The following PLCB4 variants were observed in gnomAD, a reference collection of about 807,000 sequenced individuals.
PLCB4 encodes the protein phospholipase C beta 4.
Under a neutral mutation model 178.8 loss-of-function variants are expected in PLCB4, and 77 were observed. The observed-to-expected ratio is 0.43, with a 90% CI of 0.36 to 0.52. PLCB4 has a LOEUF of 0.52. Among genes scored for constraint, PLCB4 ranks in the 20% least tolerant of loss-of-function variants. PLCB4 has a pLI of 0.00. For synonymous variants in PLCB4, 496 were observed against 490.8 expected (o/e 1.01, Z -0.14); for missense variants, 1,024 against 1,453.4 (o/e 0.70, Z 4.80).
At position 9,407,601 on chromosome 20, in the gene PLCB4, C is replaced by A. The variant is rs192853700; in HGVS notation, c.1648-316C>A. Among the ~76,000 whole-genome samples the A allele has an allele frequency of 1.6e-3, 242 of 152,234 alleles. 1 individual carries two copies. Among genetic ancestry groups the A allele is most frequent in the African/African-American group, 5.6e-3 (231 of 41,532 alleles). On this transcript the variant is annotated intron_variant, in intron 21 of 39. Transcript: ENST00000378473. ...CGCCAAGTTTGTCTTGAACTCCTGG[C>A]CTCCCAAAGTGCTGGATTAAAGGCA...
At chr20:9,076,392 C>T (rs6039374) in intron 1 of PLCB4, among the ~76,000 whole-genome samples, 57 of 152,080 alleles carry the variant, frequency 3.7e-4, no homozygotes, top group African/African-American at 1.1e-3. Flanking sequence ...GCTCGAACCT[C>T]GGAGGCAGAG....
At chr20:9,098,098 A>G (rs2090988285) in intron 2 of PLCB4, among the ~76,000 whole-genome samples, 1 of 152,200 alleles carries the variant, frequency 6.6e-6, no homozygotes, top group Non-Finnish European at 1.5e-5. Flanking sequence ...TGACTGCATA[A>G]TAGTTAAATA....
intron 33 of PLCB4, among the ~76,000 whole-genome samples, chr20:9,456,535 G>A (rs1433071221): frequency 6.6e-6 from 1 of 152,216 alleles, no homozygotes; most frequent in Non-Finnish European, 1.5e-5. Flanking sequence ...ACAAGTGCAT[G>A]CCCTTATGCC....
chr20:9,311,882 G>A (rs146256888), intron 4 of PLCB4, among the ~76,000 whole-genome samples: 40 of 152,302 alleles, frequency 2.6e-4, no homozygotes, highest in East Asian at 2.5e-3. Context: ...TTGTGTTGCC[G>A]TTATGGCAGC....
chr20:9,426,817 A>G (rs1011135965), intron 28 of PLCB4, among the ~76,000 whole-genome samples: 1 of 152,124 alleles, frequency 6.6e-6, no homozygotes, highest in African/African-American at 2.4e-5. Flanking sequence ...TATGTCGGCC[A>G]TAATTTAGTT....
rs776375783 is a variant in PLCB4, at chr20:9,365,523, T to A, written c.503+9T>A. 1 of 1,564,446 alleles carries A rather than the reference T, an allele frequency of 6.4e-7. No homozygotes were observed. Among genetic ancestry groups the A allele is most frequent in the Non-Finnish European group, 8.8e-7 (1 of 1,135,348 alleles). ...AAAATTCCAGTTAGGAGGTAAGTAA[T>A]CATTCCTATCTGCTGTCCGTGTCCC... On this transcript the variant is annotated intron_variant, in intron 9 of 39. Transcript: ENST00000378473.
chr20:9,259,647 A>G (rs1388006101), intron 3 of PLCB4, among the ~76,000 whole-genome samples: 1 of 152,174 alleles, frequency 6.6e-6, no homozygotes, highest in Admixed American at 6.5e-5. Flanking sequence ...CTCAGTAAAC[A>G]AATCAAGAAA....
intron 7 of PLCB4, among the ~76,000 whole-genome samples, chr20:9,348,159 G>A (rs6056566): frequency 2.0e-5 from 3 of 152,180 alleles, no homozygotes; most frequent in Admixed American, 2.0e-4. Flanking sequence ...TAGGATAGGA[G>A]GCTTTGTGGT....
At chr20:9,072,321 G>A (rs2089615145) in intron 1 of PLCB4, among the ~76,000 whole-genome samples, 1 of 151,768 alleles carries the variant, frequency 6.6e-6, no homozygotes, top group Non-Finnish European at 1.5e-5. Context: ...CTATTCCTTA[G>A]TATTTGTTTG....
intron 32 of PLCB4, 26 bp from the exon 33 acceptor site, chr20:9,453,321 C>G (rs759513122): frequency 5.0e-6 from 7 of 1,392,970 alleles, no homozygotes; most frequent in Non-Finnish European, 7.1e-6. Context: ...GAGTCCAATT[C>G]ATAACTGCAA....
In PLCB4 at chr20:9,453,341, G is replaced by A. The variant is rs1156574127; in HGVS notation, c.2881-6G>A. On this transcript the variant is annotated splice_region_variant and splice_polypyrimidine_tract_variant and intron_variant, in intron 32 of 39. Transcript: ENST00000378473. Reference sequence around the variant, plus strand: ...CAATTCATAACTGCAAATCCTTCTTGTTCAGGAACACAGTACCATGCAGAA... The same window carrying A: ...CAATTCATAACTGCAAATCCTTCTTATTCAGGAACACAGTACCATGCAGAA... The A allele has an allele frequency of 3.8e-6, 6 of 1,568,516 alleles. No individual in the cohort carries two copies. The highest frequency in any genetic ancestry group is 5.3e-6 in the Non-Finnish European group (6 of 1,139,642).
intron 32 of PLCB4, among the ~76,000 whole-genome samples, chr20:9,445,066 A>T (rs2276477): frequency 6.6e-6 from 1 of 152,070 alleles, no homozygotes; most frequent in African/African-American, 2.4e-5. Context: ...GAAAAATTAC[A>T]AGAGCTAGTT....
chr20:9,348,107 C>T lies in PLCB4; in HGVS notation c.369+9070C>T, dbSNP rs564133299. 5.9e-5 allele frequency among the ~76,000 whole-genome samples: 9 copies of T among 152,290 alleles called. No individual in the cohort carries two copies. The East Asian group carries it at 1.7e-3, about 29-fold the overall frequency. On this transcript the variant is annotated intron_variant, in intron 7 of 39. Transcript: ENST00000378473. The stretch of plus-strand genomic sequence containing the variant: ...GTACACATGGAAATCCCTAGATAAG[C>T]TTAACCTGGACTACATCATCATGAC...
intron 1 of PLCB4, among the ~76,000 whole-genome samples, chr20:9,069,552 T>G (rs2089459955): frequency 6.6e-6 from 1 of 152,220 alleles, no homozygotes; most frequent in African/African-American, 2.4e-5. Context: ...TGTATGCGTG[T>G]GGATCTTCTT....
chr20:9,226,787 A>G (rs1401738895), intron 3 of PLCB4, among the ~76,000 whole-genome samples: 1 of 152,146 alleles, frequency 6.6e-6, no homozygotes, highest in Non-Finnish European at 1.5e-5. Flanking sequence ...TCTGCAAGGC[A>G]CCGATGTTGA....
chr20:9,078,975 T>C (rs2090014810), intron 1 of PLCB4, among the ~76,000 whole-genome samples: 3 of 152,220 alleles, frequency 2.0e-5, no homozygotes, highest in African/African-American at 7.2e-5. Context: ...TGGTTGGCAG[T>C]GACATTCAGA....
At position 9,148,577 on chromosome 20, in the gene PLCB4, C is replaced by A. The variant is rs143311000; in HGVS notation, c.-79+52235C>A. 3.0e-3 allele frequency among the ~76,000 whole-genome samples: 453 copies of A among 152,172 alleles called. 1 individual carries two copies. The highest frequency in any genetic ancestry group is 0.01 in the African/African-American group (432 of 41,514). On this transcript the variant is annotated intron_variant, in intron 2 of 39. Coordinates refer to ENST00000378473, the MANE Select transcript of PLCB4 (RefSeq NM_001377142.1). ...CTGCATCAGGGAAGTCAACAGAGGACTTCTGAGCGGAGAGTAAGAATTTGT... is the reference window on the plus strand; with the variant it reads ...CTGCATCAGGGAAGTCAACAGAGGAATTCTGAGCGGAGAGTAAGAATTTGT...
At chr20:9,189,866 G>C (rs1376537194) in intron 2 of PLCB4, among the ~76,000 whole-genome samples, 2 of 152,100 alleles carry the variant, frequency 1.3e-5, no homozygotes, top group Admixed American at 6.6e-5. Context: ...TCATGGCTCA[G>C]TCACCTCCTA....
chr20:9,235,560 CA>C (rs2093984024), intron 3 of PLCB4, among the ~76,000 whole-genome samples: 1 of 152,156 alleles, frequency 6.6e-6, no homozygotes, highest in Non-Finnish European at 1.5e-5. Context: ...ATCCCGCTTT[CA>C]AAAATCTCAG....
Sources: allele counts gnomAD v4.1 joint callset (sites outside exome capture counted in the v4.1 genomes callset), GRCh38; gene constraint gnomAD v4.1.1; transcripts MANE v1.5; gene names NCBI Gene and HGNC (gene_info 2026-07-23, HGNC 2026-07-21).